The following SYTL5 variants were observed in gnomAD, a reference collection of about 807,000 sequenced individuals.
SYTL5 encodes the protein synaptotagmin like 5, also known as synaptotagmin-like protein 5.
SYTL5 carries 34 observed loss-of-function variants against 55.9 expected under a neutral mutation model. The observed-to-expected ratio is 0.61, with a 90% confidence interval of 0.46 to 0.81. SYTL5 has a LOEUF of 0.81. Among genes scored for constraint, SYTL5 ranks in the 30% least tolerant of loss-of-function variants. SYTL5 has a pLI of 0.00. For missense variants in SYTL5, 637 were observed against 546.7 expected, an observed-to-expected ratio of 1.17 and a Z score of -1.65; for synonymous variants, 221 against 188.7, an observed-to-expected ratio of 1.17 and a Z score of -1.40.
intron 6 of SYTL5, among the ~76,000 whole-genome samples, chrX:38,082,817 A>G (rs1027922208): frequency 8.9e-6 from 1 of 112,025 alleles, no homozygotes; most frequent in Non-Finnish European, 1.9e-5. Context: ...GAAAATAGAC[A>G]TAAAGTAGAC....
At chrX:38,003,124 A>C (rs1465727206), upstream of SYTL5, among the ~76,000 whole-genome samples, 1 of 111,810 alleles carries the variant, frequency 8.9e-6, no homozygotes, top group African/African-American at 3.3e-5. Context: ...TCAAATAGGG[A>C]ATCCTTTCCC....
At position 38,070,555 on chromosome X, in the gene SYTL5, T is replaced by C. The variant is rs189355329; in HGVS notation, c.330-1492T>C. 4.5e-5 allele frequency among the ~76,000 whole-genome samples: 5 copies of C among 111,553 alleles called. No individual in the cohort carries two copies. In the East Asian group the frequency reaches 1.4e-3, roughly 31 times the overall value. On this transcript the variant is annotated intron_variant, in intron 3 of 16. Transcript: ENST00000297875. ...TCTTCTTCATATATTTAGCCAGAGA[T>C]TATGTGATTCAATCTGAACTTTAGA...
intron 2 of SYTL5, among the ~76,000 whole-genome samples, chrX:38,040,210 T>C (rs1354847740): frequency 9.1e-6 from 1 of 110,184 alleles, no homozygotes; most frequent in Non-Finnish European, 1.9e-5. Context: ...TGTGGGTACA[T>C]AGTAGGTGTA....
intron 3 of SYTL5, among the ~76,000 whole-genome samples, chrX:38,058,454 C>A (rs1186770529): frequency 1.8e-5 from 2 of 110,617 alleles, no homozygotes; most frequent in African/African-American, 6.5e-5. Context: ...AATAATTTTT[C>A]TTCTTCCTAA....
At chrX:38,042,257 G>A (rs926533305) in intron 2 of SYTL5, among the ~76,000 whole-genome samples, 3 of 110,313 alleles carry the variant, frequency 2.7e-5, no homozygotes, top group Non-Finnish European at 5.7e-5. Flanking sequence ...TATATAAAGA[G>A]AGACTCAGTA....
chrX:38,033,725 G>T lies in SYTL5; in HGVS notation c.-165G>T, dbSNP rs770514628. 2.3e-4 allele frequency: 75 copies of T among 324,067 alleles called. No individual in the cohort carries two copies. The highest frequency in any genetic ancestry group is 1.9e-3 in the African/African-American group (72 of 38,027). The allele number at this position is 324,067 out of a possible 1,213,427, so 26.7% of individuals were successfully genotyped here. On this transcript the variant is annotated 5_prime_UTR_variant, in exon 2 of 17. The change creates a premature stop within an existing upstream ORF in the 5' untranslated region. Transcript: ENST00000297875. The stretch of plus-strand genomic sequence containing the variant: ...AGGCTGTTCTACGTATAGCCTGAAA[G>T]AATACTTAACTACCATACGCAATTC...
intron 9 of SYTL5, among the ~76,000 whole-genome samples, chrX:38,098,625 G>A (rs73632458): frequency 0.11 from 11,737 of 110,251 alleles, 1,062 homozygotes; most frequent in African/African-American, 0.28. Flanking sequence ...CAGCCATTCC[G>A]TAAAAGAGTT....
the SYTL5 span, among the ~76,000 whole-genome samples, chrX:37,929,631 AG>A: frequency 5.4e-5 from 6 of 111,485 alleles, no homozygotes; most frequent in Non-Finnish European, 9.4e-5. Flanking sequence ...GGGTGGTCTG[AG>A]GAGGATTGAA....
At chrX:38,101,355 A>G (rs774810481) in intron 9 of SYTL5, among the ~76,000 whole-genome samples, 92 of 111,146 alleles carry the variant, frequency 8.3e-4, no homozygotes, top group African/African-American at 3.0e-3. Flanking sequence ...TGTATCTTAT[A>G]ATAAAGACTT....
rs2147300926 is a variant in SYTL5, at chrX:38,054,152, T to C, written c.120-61T>C. The C allele has an allele frequency of 8.2e-6, 7 of 848,719 alleles. No individual in the cohort carries two copies. The East Asian group carries it at 1.7e-4, about 20-fold the overall frequency. The allele number at this position is 848,719 out of a possible 1,213,427, so 69.9% of individuals were successfully genotyped here. A position where few individuals can be genotyped will look rare whatever the true frequency, so the allele number is the denominator to read the frequency against. On this transcript the variant is annotated intron_variant, in intron 2 of 16. Coordinates refer to ENST00000297875, the MANE Select transcript of SYTL5 (RefSeq NM_138780.3). Reference sequence around the variant, plus strand: ...TCTATTTTAGACATTGTTTTAGACATTGTAGATATCTCTGCTCCTGTTTGT... The same window carrying C: ...TCTATTTTAGACATTGTTTTAGACACTGTAGATATCTCTGCTCCTGTTTGT...
the SYTL5 span, among the ~76,000 whole-genome samples, chrX:37,981,739 G>T: frequency 2.7e-5 from 3 of 111,630 alleles, no homozygotes; most frequent in African/African-American, 9.8e-5. Context: ...TTTAATGGCT[G>T]GATGTGATCA....
Position 38,054,391 on chromosome X carries a change from A to G in SYTL5, c.298A>G (p.Ser100Gly). The change falls in exon 3 of 17, where the codon AGC (serine) becomes GGC (glycine). Residue 100 changes from serine to glycine, a missense_variant. Ser to Gly is a moderately conservative substitution (Grantham distance 56). Transcript: ENST00000297875. ...RECRVAGPNG[S>G]WKCTVCDKIA... The stretch of plus-strand genomic sequence containing the variant: ...GTGTCGAGTTGCAGGCCCCAATGGC[A>G]GCTGGAAGTGCACTGTCTGTGACAA... The G allele has an allele frequency of 8.3e-7, 1 of 1,211,549 alleles. No individual in the cohort carries two copies.
At chrX:37,988,051 A>G in the SYTL5 span, among the ~76,000 whole-genome samples, 1 of 112,213 alleles carries the variant, frequency 8.9e-6, no homozygotes. Flanking sequence ...TTATATGGAA[A>G]AAGAGAATTC....
chrX:38,037,999 A>G (rs1482315925), intron 2 of SYTL5, among the ~76,000 whole-genome samples: 1 of 111,153 alleles, frequency 9.0e-6, no homozygotes, highest in East Asian at 2.8e-4. Flanking sequence ...AGCAAGGGAA[A>G]ACTGATGTCC....
chrX:37,906,773 A>G, the SYTL5 span, among the ~76,000 whole-genome samples: 11 of 112,071 alleles, frequency 9.8e-5, no homozygotes, highest in East Asian at 3.0e-3. Flanking sequence ...TTAGAAGACT[A>G]TTGCTGGTTT....
intron 3 of SYTL5, among the ~76,000 whole-genome samples, chrX:38,066,043 T>C (rs1020034868): frequency 1.8e-5 from 2 of 110,813 alleles, no homozygotes; most frequent in Admixed American, 9.6e-5. Flanking sequence ...GAGGTTGCAA[T>C]GAGCTGAGAG....
the SYTL5 span, among the ~76,000 whole-genome samples, chrX:37,933,143 T>C: frequency 9.0e-6 from 1 of 111,242 alleles, no homozygotes; most frequent in Admixed American, 9.5e-5. Flanking sequence ...TCACATTGAG[T>C]GAAAATGGCA....
At chrX:38,098,024 C>G (rs1316902567) in intron 9 of SYTL5, among the ~76,000 whole-genome samples, 1 of 110,825 alleles carries the variant, frequency 9.0e-6, no homozygotes, top group Non-Finnish European at 1.9e-5. Context: ...ATATACCATG[C>G]AGAAATTAAG....
At chrX:38,013,749 C>T (rs1165009949) in intron 1 of SYTL5, among the ~76,000 whole-genome samples, 1 of 111,233 alleles carries the variant, frequency 9.0e-6, no homozygotes, top group African/African-American at 3.3e-5. Context: ...ATCTGCGAAC[C>T]TGTCACTGAC....
Sources: allele counts gnomAD v4.1 joint callset (sites outside exome capture counted in the v4.1 genomes callset), GRCh38; gene constraint gnomAD v4.1.1; transcripts MANE v1.5; gene names NCBI Gene and HGNC (gene_info 2026-07-23, HGNC 2026-07-21).